Variants in RYR1 observed in about 807,000 individuals in gnomAD.
RYR1 encodes the protein central core disease of muscle.
In RYR1, 342 loss-of-function variants were observed where a neutral mutation model predicts 583.5. That is an observed-to-expected ratio of 0.59 (90% CI 0.54 to 0.64). The LOEUF (loss-of-function observed/expected upper bound fraction) is 0.64, where lower values mean the gene tolerates loss of function less well. RYR1 is among the 30% of genes least tolerant of loss of function. The probability of loss-of-function intolerance (pLI) is 0.00; values close to 1 mark genes in which losing one functional copy is unlikely to be tolerated. For missense variants in RYR1, 6,032 were observed against 6,917.2 expected (o/e 0.87, Z 4.54); for synonymous variants, 2,791 against 2,822.5 (o/e 0.99, Z 0.35).
intron 84 of RYR1, 89 bp downstream of exon 84, chr19:38,538,049 T>C: frequency 8.1e-7 from 1 of 1,229,068 alleles, no homozygotes; most frequent in South Asian, 1.2e-5. Context: ...CCCCTCCTCC[T>C]CCCCCGGTCA....
In RYR1 at chr19:38,500,864, G is replaced by A. The variant is rs375997435; in HGVS notation, c.7488G>A (p.Pro2496=). 104 of 1,601,612 alleles carry A rather than the reference G, an allele frequency of 6.5e-5. No individual in the cohort carries two copies. Among genetic ancestry groups the A allele is most frequent in the Non-Finnish European group, 8.4e-5 (98 of 1,172,824 alleles). Residue 2496 remains proline, a synonymous_variant, in exon 47 of 106, where the codon CCG becomes CCA. Transcript: ENST00000359596. This position sits in a 1 kb window ranked among gnomAD's most constrained non-coding sequence, Gnocchi z 5.9. ...VQPKMSASFV[P]DHKASMVLFL... ...CAAAGATGTCAGCATCCTTCGTGCC[G>A]GACCACAAGGCGTCCATGGTGCTCT...
rs774940650 is a variant in RYR1, at chr19:38,485,627, C to T, written c.4972C>T (p.Leu1658=). 2 of 1,610,104 alleles carry T rather than the reference C, an allele frequency of 1.2e-6. No homozygotes were observed. Among genetic ancestry groups the T allele is most frequent in the East Asian group, 4.5e-5 (2 of 44,904 alleles). ...DILELSERLD[L]QRFHSHTLRL... is the part of the protein sequence containing the mutation. ...CCTGGAGCTGTCGGAGCGCCTGGAC[C>T]TGCAGCGCTTCCACTCGCACACCCT... Residue 1658 remains leucine, a synonymous_variant, in exon 34 of 106, where the codon CTG becomes TTG. Transcript: ENST00000359596.
chr19:38,453,027 C>T lies in RYR1; in HGVS notation c.1440+13C>T, dbSNP rs774459267. The T allele has an allele frequency of 1.7e-5, 27 of 1,609,438 alleles. No individual in the cohort carries two copies. Among genetic ancestry groups the T allele is most frequent in the Middle Eastern group, 1.7e-4 (1 of 6,052 alleles). Reference sequence around the variant, plus strand: ...CTTCCAGGAGGAGGTGAGGACGTGGCGAGGGCGGAGCGGGGCCTGTGGGCC... The same window carrying T: ...CTTCCAGGAGGAGGTGAGGACGTGGTGAGGGCGGAGCGGGGCCTGTGGGCC... On this transcript the variant is annotated intron_variant, in intron 13 of 105. Coordinates refer to ENST00000359596, the MANE Select transcript of RYR1 (RefSeq NM_000540.3).
At chr19:38,482,088 TCAAAA>T (rs1252626474) in intron 31 of RYR1, among the ~76,000 whole-genome samples, 56 of 152,136 alleles carry the variant, frequency 3.7e-4, no homozygotes, top group African/African-American at 1.3e-3. Context: ...AGACGTCATC[TCAAAA>T]AAATAAATAA....
intron 20 of RYR1, among the ~76,000 whole-genome samples, chr19:38,463,151 C>CT (rs1967870606): frequency 1.4e-5 from 1 of 69,782 alleles, no homozygotes; most frequent in African/African-American, 5.2e-5. Context: ...GCCCCCCCCC[C>CT]CCCCACTTAG....
chr19:38,566,143 A>G lies in RYR1; in HGVS notation c.13437+372A>G, dbSNP rs545962528. On this transcript the variant is annotated intron_variant, in intron 91 of 105. Coordinates refer to ENST00000359596, the MANE Select transcript of RYR1 (RefSeq NM_000540.3). Reference sequence around the variant, plus strand: ...GAGTAAGAAACCCAGAGACCAAATTAGAGGGCAGGAAAGACCAAAACTAAG... The same window carrying G: ...GAGTAAGAAACCCAGAGACCAAATTGGAGGGCAGGAAAGACCAAAACTAAG... 5.9e-5 allele frequency among the ~76,000 whole-genome samples: 9 copies of G among 152,024 alleles called. No individual in the cohort carries two copies. In the East Asian group the frequency reaches 1.2e-3, roughly 20 times the overall value.
At position 38,494,356 on chromosome 19, in the gene RYR1, C is replaced by A. The variant is rs1377179094; in HGVS notation, c.6279C>A (p.Ser2093=). The change falls in exon 39 of 106, where the codon TCC becomes TCA. Residue 2093 remains serine, a synonymous_variant. Coordinates refer to ENST00000359596, the MANE Select transcript of RYR1 (RefSeq NM_000540.3). ...CTTGCATTGTCTCCTTCCCAGGGTC[C>A]CTGCAGGAGCTGGTGTCCCACATGG... ...ERSAEESKPR[S]LQELVSHMVV... 1.2e-5 allele frequency: 20 copies of A among 1,611,286 alleles called. No homozygotes were observed. The highest frequency in any genetic ancestry group is 1.6e-5 in the Non-Finnish European group (19 of 1,179,902).
rs1970341073 is a variant in RYR1, at chr19:38,504,326, T to A, written c.8033T>A (p.Leu2678His). The A allele has an allele frequency of 1.2e-6, 2 of 1,614,118 alleles. No individual in the cohort carries two copies. Among genetic ancestry groups the A allele is most frequent in the Non-Finnish European group, 1.7e-6 (2 of 1,180,026 alleles). The change falls in exon 50 of 106, where the codon CTC (leucine) becomes CAC (histidine). Residue 2678 changes from leucine to histidine, a missense_variant. By Grantham distance (99) the Leu-to-His change is moderately conservative. This residue lies in a region of RYR1 where 1,493 missense variants were observed against 1,715.5 expected (regional missense o/e 0.87). Transcript: ENST00000359596. ...GAGGAGCTGCACCTCACACGGAAAC[T>A]CTTCTGGGGCATCTTTGACTCTCTG... is the stretch of plus-strand genomic sequence containing the variant. Reference protein sequence around the residue: ...SEEELHLTRKLFWGIFDSLAH... With the variant: ...SEEELHLTRKHFWGIFDSLAH...
intron 66 of RYR1, 21 bp downstream of exon 66, chr19:38,517,712 C>T: frequency 1.9e-6 from 3 of 1,609,902 alleles, no homozygotes; most frequent in Non-Finnish European, 2.6e-6. Flanking sequence ...GGGCACTGGG[C>T]CTCTGAGGGG....
chr19:38,464,402 GGAGACA>G (rs1285955381), intron 22 of RYR1, among the ~76,000 whole-genome samples: 1 of 151,914 alleles, frequency 6.6e-6, no homozygotes, highest in Non-Finnish European at 1.5e-5. Context: ...AAAGAGACAG[GGAGACA>G]GGAGAAAGTG....
At chr19:38,566,229 A>G (rs1161664486) in intron 91 of RYR1, among the ~76,000 whole-genome samples, 1 of 151,850 alleles carries the variant, frequency 6.6e-6, no homozygotes, top group Non-Finnish European at 1.5e-5. Flanking sequence ...CGGGCCGATC[A>G]CCTGAGGTCA....
intron 78 of RYR1, 117 bp from the exon 79 acceptor site, chr19:38,534,603 T>C: frequency 1.2e-6 from 1 of 851,094 alleles, no homozygotes. Flanking sequence ...GAGCTCATGG[T>C]TGAAGGAGTG....
chr19:38,448,764 A>G lies in RYR1; in HGVS notation c.1073A>G (p.Tyr358Cys). The G allele has an allele frequency of 3.1e-6, 5 of 1,614,176 alleles. No homozygotes were observed. The highest frequency in any genetic ancestry group is 1.1e-5 in the South Asian group (1 of 91,088). The change falls in exon 11 of 106, where the codon TAT becomes TGT. Residue 358 changes from tyrosine to cysteine, a missense_variant. By Grantham distance (194) the Tyr-to-Cys change is radical. This residue lies in a region of RYR1 where 338 missense variants were observed against 441.6 expected (regional missense o/e 0.77). Coordinates refer to ENST00000359596, the MANE Select transcript of RYR1 (RefSeq NM_000540.3). The stretch of plus-strand genomic sequence containing the variant: ...GTGGCCTCAGGACTGTGGCTCACCT[A>G]TGCTGCTCCAGACCCCAAGGCCCTG... ...QHVASGLWLT[Y>C]AAPDPKALRL...
At chr19:38,470,569 A>G (rs974871868) in intron 27 of RYR1, among the ~76,000 whole-genome samples, 11 of 152,050 alleles carry the variant, frequency 7.2e-5, no homozygotes, top group Non-Finnish European at 1.3e-4. Context: ...GCAAAAACCC[A>G]TCTCTACTAA....
intron 105 of RYR1, 90 bp downstream of exon 105, chr19:38,586,666 C>A: frequency 7.8e-7 from 1 of 1,279,014 alleles, no homozygotes; most frequent in Non-Finnish European, 1.1e-6. Flanking sequence ...AAGCTCCTAT[C>A]AATATCAAGG....
rs1967668143 is a variant in RYR1 at position 38,460,446 on chromosome 19, A to G, written c.2432A>G (p.His811Arg). 6.2e-7 allele frequency: 1 copy of G among 1,614,122 alleles called. No individual in the cohort carries two copies. Among genetic ancestry groups the G allele is most frequent in the Non-Finnish European group, 8.5e-7 (1 of 1,180,020 alleles). ...CCCCCACCTGGCTATGCTCCATGCC[A>G]TGAGGCTGTGCTCCCTCGAGAGCGA... ...FLPPPGYAPCHEAVLPRERLH... is the reference protein window; with the variant it reads ...FLPPPGYAPCREAVLPRERLH... The change falls in exon 20 of 106, where the codon CAT becomes CGT. Residue 811 changes from histidine (H) to arginine (R), a missense_variant. His to Arg is a conservative substitution (Grantham distance 29). Transcript: ENST00000359596.
rs1972291722 is a variant in RYR1 at position 38,543,497 on chromosome 19, C to G, written c.11779-35C>G. ...GGGGGCTGCAGGGCCATGGTCGGCCCCAGCACCCCCTCACACCCTACCCGC... is the reference window on the plus strand; with the variant it reads ...GGGGGCTGCAGGGCCATGGTCGGCCGCAGCACCCCCTCACACCCTACCCGC... On this transcript the variant is annotated intron_variant, in intron 85 of 105. Transcript: ENST00000359596. This position sits in a 1 kb window ranked among gnomAD's most constrained non-coding sequence, Gnocchi z 4.4. 1 of 1,614,166 alleles carries G rather than the reference C, an allele frequency of 6.2e-7. No homozygotes were observed. The highest frequency in any genetic ancestry group is 8.5e-7 in the Non-Finnish European group (1 of 1,180,016).
At chr19:38,448,852 A>G (rs1318891116) in intron 11 of RYR1, 39 bp downstream of exon 11, 3 of 1,597,734 alleles carry the variant, frequency 1.9e-6, no homozygotes, top group Non-Finnish European at 2.6e-6. Flanking sequence ...CTGAGGTGGG[A>G]GAATCGCTTG....
Position 38,489,279 on chromosome 19 carries a change from G to C in RYR1, c.5650G>C (p.Gly1884Arg), listed in dbSNP as rs776093828. The part of the protein sequence containing the change: ...EEEEEDEEEE[G>R]EEEDEEEKEE... ...AGAGGAGGAGGACGAGGAGGAAGAG[G>C]GTGAAGAGGAAGATGAGGAGGAGAA... Residue 1884 changes from glycine (G) to arginine (R), a missense_variant, in exon 35 of 106, where the codon GGT becomes CGT. Coordinates refer to ENST00000359596, the MANE Select transcript of RYR1 (RefSeq NM_000540.3). 9 of 1,607,900 alleles carry C rather than the reference G, an allele frequency of 5.6e-6. No homozygotes were observed. In the Admixed American group the frequency reaches 1.2e-4, roughly 21 times the overall value.
Sources: allele counts gnomAD v4.1 joint callset (sites outside exome capture counted in the v4.1 genomes callset), GRCh38; gene constraint gnomAD v4.1.1; regional missense constraint gnomAD v4.1.1; non-coding constraint Gnocchi (gnomAD v3.1); transcripts MANE v1.5; gene names NCBI Gene and HGNC (gene_info 2026-07-23, HGNC 2026-07-21).